EPHA5: variants seen among roughly 807,000 people sequenced by gnomAD.
The protein encoded by EPHA5 is EPH receptor A5, also known as ephrin type-A receptor 5.
Under a neutral mutation model 105.0 loss-of-function variants are expected in EPHA5, and 60 were observed. The observed-to-expected ratio is 0.57, with a 90% CI of 0.46 to 0.71. The LOEUF is 0.71. Among genes scored for constraint, EPHA5 ranks in the 30% least tolerant of loss-of-function variants. The pLI, the probability that EPHA5 is intolerant of heterozygous loss-of-function variation, is 0.00. For missense variants in EPHA5, 1,218 were observed against 1,274.7 expected, an observed-to-expected ratio of 0.96 and a Z score of 0.68; for synonymous variants, 513 against 449.1, an observed-to-expected ratio of 1.14 and a Z score of -1.80.
At chr4:65,602,982 T>A (rs1351120996) in intron 2 of EPHA5, among the ~76,000 whole-genome samples, 1 of 152,102 alleles carries the variant, frequency 6.6e-6, no homozygotes, top group Non-Finnish European at 1.5e-5. Context: ...TGGAGACAGA[T>A]ATGAAAGAAA....
At chr4:65,458,293 C>T (rs780964127) in intron 5 of EPHA5, among the ~76,000 whole-genome samples, 2 of 151,942 alleles carry the variant, frequency 1.3e-5, no homozygotes, top group Non-Finnish European at 2.9e-5. Context: ...TATTTATATT[C>T]TAGTATTGAA....
At chr4:65,365,325 A>T (rs1213818564) in intron 10 of EPHA5, 123 bp from the exon 11 acceptor site, 2 of 810,234 alleles carry the variant, frequency 2.5e-6, no homozygotes, top group East Asian at 5.3e-5. Context: ...AAACAAACAA[A>T]CAAACAAAAA....
At chr4:65,392,312 G>T (rs1720795699) in intron 8 of EPHA5, among the ~76,000 whole-genome samples, 1 of 152,008 alleles carries the variant, frequency 6.6e-6, no homozygotes, top group Non-Finnish European at 1.5e-5. Context: ...CACATCTATT[G>T]CTAACTCATA....
chr4:65,476,494 T>C (rs1729836074), intron 5 of EPHA5, among the ~76,000 whole-genome samples: 1 of 152,084 alleles, frequency 6.6e-6, no homozygotes, highest in Non-Finnish European at 1.5e-5. Flanking sequence ...GAAAACCTAA[T>C]ACCCATGTTC....
chr4:65,368,699 C>G (rs901494074), intron 8 of EPHA5, among the ~76,000 whole-genome samples: 2 of 152,152 alleles, frequency 1.3e-5, no homozygotes, highest in Non-Finnish European at 2.9e-5. Flanking sequence ...TATTGCATTA[C>G]CTATCTACTG....
chr4:65,482,530 C>T (rs553762304), intron 5 of EPHA5, among the ~76,000 whole-genome samples: 14 of 152,156 alleles, frequency 9.2e-5, no homozygotes, highest in African/African-American at 3.1e-4. Context: ...GGGGTGGACA[C>T]GGATCTCATA....
intron 3 of EPHA5, chr4:65,574,059 A>G: frequency 1.9e-6 from 3 of 1,600,478 alleles, no homozygotes; most frequent in Non-Finnish European, 2.6e-6. Context: ...CACCTCAACC[A>G]AAATCGATAT....
In EPHA5 at chr4:65,382,287, TA is replaced by T. The variant is rs1157412434; in HGVS notation, c.1794-14864del. The stretch of plus-strand genomic sequence containing the variant: ...AGACATATTTAGAAAACACTTCAAT[TA>T]TTTTTTTTCAAGCTATACTTCAATA... On this transcript the variant is annotated intron_variant, in intron 8 of 16. Transcript: ENST00000613740. Among the ~76,000 whole-genome samples the T allele has an allele frequency of 3.3e-5, 5 of 151,924 alleles. No homozygotes were observed. In the South Asian group the frequency reaches 8.3e-4, roughly 25 times the overall value.
intron 3 of EPHA5, among the ~76,000 whole-genome samples, chr4:65,584,868 T>C (rs1480726056): frequency 1.3e-5 from 2 of 151,984 alleles, no homozygotes; most frequent in African/African-American, 4.8e-5. Flanking sequence ...ATATAATTAT[T>C]ACATATACAG....
At chr4:65,460,519 A>T (rs1728022765) in intron 5 of EPHA5, among the ~76,000 whole-genome samples, 1 of 151,404 alleles carries the variant, frequency 6.6e-6, no homozygotes, top group African/African-American at 2.4e-5. Context: ...AGTAACTATT[A>T]TTTATAAGTA....
chr4:65,537,734 T>G lies in EPHA5; in HGVS notation c.911-42191A>C, dbSNP rs143772213. On this transcript the variant is annotated intron_variant, in intron 3 of 16. Transcript: ENST00000613740. ...GTTCAGAGGCCAGTTAATTTGTTTA[T>G]TCCTTAACAGTTTATTTTAAAATTT... Among the ~76,000 whole-genome samples, 81 of 151,904 alleles carry G rather than the reference T, an allele frequency of 5.3e-4. 2 individuals are homozygous for G. The East Asian group carries it at 0.013, about 24-fold the overall frequency.
At chr4:65,632,924 A>C (rs942369845) in intron 2 of EPHA5, among the ~76,000 whole-genome samples, 11 of 152,074 alleles carry the variant, frequency 7.2e-5, no homozygotes, top group African/African-American at 2.4e-4. Flanking sequence ...AATTTGTGGA[A>C]AACACCAGAA....
At chr4:65,619,643 T>C (rs904820702) in intron 2 of EPHA5, among the ~76,000 whole-genome samples, 3 of 152,092 alleles carry the variant, frequency 2.0e-5, no homozygotes, top group Non-Finnish European at 4.4e-5. Flanking sequence ...CATTTTCTTC[T>C]TCAGCTAAAA....
chr4:65,441,525 A>T lies in EPHA5; in HGVS notation c.1403-20960T>A, dbSNP rs539780882. Reference sequence around the variant, plus strand: ...TATTACTTATGATAGGAAAATTTTTAAAAAAGGCAGAGTGGAAGAAAGGAA... The same window carrying T: ...TATTACTTATGATAGGAAAATTTTTTAAAAAGGCAGAGTGGAAGAAAGGAA... On this transcript the variant is annotated intron_variant, in intron 5 of 16. Coordinates refer to ENST00000613740, the MANE Select transcript of EPHA5 (RefSeq NM_001281766.3). Among the ~76,000 whole-genome samples the T allele has an allele frequency of 1.2e-4, 18 of 152,168 alleles. No homozygotes were observed. The East Asian group carries it at 1.4e-3, about 11-fold the overall frequency.
intron 2 of EPHA5, among the ~76,000 whole-genome samples, chr4:65,638,348 G>T (rs896314116): frequency 6.6e-5 from 10 of 152,120 alleles, no homozygotes; most frequent in Admixed American, 2.0e-4. Context: ...TTTAGAGGAA[G>T]AAACTATATG....
At chr4:65,511,261 T>C (rs575019224) in intron 3 of EPHA5, among the ~76,000 whole-genome samples, 23 of 152,292 alleles carry the variant, frequency 1.5e-4, no homozygotes, top group African/African-American at 5.1e-4. Context: ...CTGTTTGGTA[T>C]GGTATCAACT....
chr4:65,405,248 T>G (rs1384436859), intron 7 of EPHA5, among the ~76,000 whole-genome samples: 1 of 145,804 alleles, frequency 6.9e-6, no homozygotes, highest in African/African-American at 2.5e-5. Flanking sequence ...AAATTTTATT[T>G]TTGTGCTGAT....
At chr4:65,401,032 GTGTGTGTGTGTGTGCA>G (rs1217142133) in intron 8 of EPHA5, among the ~76,000 whole-genome samples, 2 of 150,804 alleles carry the variant, frequency 1.3e-5, no homozygotes, top group Non-Finnish European at 3.0e-5. Context: ...TGGTAGTCAT[GTGTGTGTGTGTGTGCA>G]TGTGTGTGTG....
At chr4:65,543,049 C>G (rs1737002491) in intron 3 of EPHA5, among the ~76,000 whole-genome samples, 2 of 151,966 alleles carry the variant, frequency 1.3e-5, no homozygotes, top group South Asian at 4.1e-4. Context: ...TCTTAATAAA[C>G]TACGTATTGA....
Sources: allele counts gnomAD v4.1 joint callset (sites outside exome capture counted in the v4.1 genomes callset), GRCh38; gene constraint gnomAD v4.1.1; transcripts MANE v1.5; gene names NCBI Gene and HGNC (gene_info 2026-07-23, HGNC 2026-07-21).